The following PRKG1 variants were observed in gnomAD, a reference collection of about 807,000 sequenced individuals.
PRKG1 encodes the protein protein kinase cGMP-dependent 1, also known as cGMP-dependent protein kinase 1.
PRKG1 carries 35 observed loss-of-function variants against 88.1 expected under a neutral mutation model. The observed-to-expected ratio is 0.40, with a 90% confidence interval of 0.30 to 0.53. The LOEUF (loss-of-function observed/expected upper bound fraction) is 0.53. Among genes scored for constraint, PRKG1 ranks in the 20% least tolerant of loss-of-function variants. PRKG1 has a pLI of 0.59. For missense variants in PRKG1, 540 were observed against 839.8 expected (o/e 0.64, Z 4.41); for synonymous variants, 303 against 292.5 (o/e 1.04, Z -0.37).
chr10:51,310,254 A>G (rs116239291), intron 2 of PRKG1, among the ~76,000 whole-genome samples: 3,008 of 152,296 alleles, frequency 0.02, 91 homozygotes, highest in African/African-American at 0.067. Flanking sequence ...CCCCCCAAAA[A>G]TTTCCTACAG....
chr10:51,779,089 A>G (rs1838517861), intron 3 of PRKG1, among the ~76,000 whole-genome samples: 1 of 152,128 alleles, frequency 6.6e-6, no homozygotes, highest in South Asian at 2.1e-4. Context: ...TTAACCAGAT[A>G]GTCCAGTATT....
chr10:51,965,845 GAA>G (rs1843555015), intron 5 of PRKG1, among the ~76,000 whole-genome samples: 1 of 152,178 alleles, frequency 6.6e-6, no homozygotes, highest in Non-Finnish European at 1.5e-5. Flanking sequence ...GATCTAGAGA[GAA>G]GAGTTAGTTG....
At chr10:52,045,590 G>T (rs1253146894) in intron 5 of PRKG1, among the ~76,000 whole-genome samples, 1 of 152,078 alleles carries the variant, frequency 6.6e-6, no homozygotes, top group Non-Finnish European at 1.5e-5. Flanking sequence ...ACTCATATTT[G>T]TGCCCAGCTG....
intron 5 of PRKG1, among the ~76,000 whole-genome samples, chr10:51,968,820 CAAAAAAAAA>C (rs56810665): frequency 1.9e-5 from 2 of 105,458 alleles, no homozygotes; most frequent in Admixed American, 1.0e-4. Context: ...AAAACTCCAT[CAAAAAAAAA>C]AAAAAAAAGA....
At chr10:51,113,225 A>C (rs1425415465) in intron 1 of PRKG1, among the ~76,000 whole-genome samples, 1 of 152,240 alleles carries the variant, frequency 6.6e-6, no homozygotes, top group Non-Finnish European at 1.5e-5. Context: ...AGAGAAGTTA[A>C]GTGACTAACT....
At chr10:51,821,055 T>C (rs1270454423) in intron 4 of PRKG1, among the ~76,000 whole-genome samples, 5 of 152,188 alleles carry the variant, frequency 3.3e-5, no homozygotes, top group African/African-American at 4.8e-5. Context: ...GTTCTACCAT[T>C]ACAGATTAGT....
chr10:51,150,280 A>T (rs899129178), intron 1 of PRKG1, among the ~76,000 whole-genome samples: 3 of 152,122 alleles, frequency 2.0e-5, no homozygotes, highest in African/African-American at 7.2e-5. Context: ...TATGCATTAT[A>T]TCTTAGTTAC....
intron 7 of PRKG1, among the ~76,000 whole-genome samples, chr10:52,093,545 A>ATTTTTT (rs1487894144): frequency 1.3e-5 from 2 of 152,128 alleles, no homozygotes; most frequent in East Asian, 3.9e-4. Flanking sequence ...AGGAAAAGGA[A>ATTTTTT]TTTTTCTTTT....
At chr10:51,910,676 C>A (rs1489577994) in intron 5 of PRKG1, 1 of 152,128 alleles carries the variant, frequency 6.6e-6, no homozygotes, top group Non-Finnish European at 1.5e-5. Flanking sequence ...CCTGGATTCA[C>A]TTTCCAGGTA....
At chr10:51,734,781 A>C (rs1014465574) in intron 3 of PRKG1, among the ~76,000 whole-genome samples, 1 of 152,196 alleles carries the variant, frequency 6.6e-6, no homozygotes, top group Non-Finnish European at 1.5e-5. Context: ...TCCACTGAAA[A>C]GTTCAATAGT....
At chr10:51,168,519 G>A (rs566735541) in intron 2 of PRKG1, among the ~76,000 whole-genome samples, 2 of 152,042 alleles carry the variant, frequency 1.3e-5, no homozygotes, top group Non-Finnish European at 2.9e-5. Context: ...ATCCATAGAA[G>A]TAACCCACGT....
intron 3 of PRKG1, among the ~76,000 whole-genome samples, chr10:51,655,489 C>T (rs1840139468): frequency 6.6e-6 from 1 of 151,980 alleles, no homozygotes; most frequent in Non-Finnish European, 1.5e-5. Context: ...TAATTCAGCA[C>T]ATTTAGAATC....
At chr10:51,920,325 T>A (rs1937684) in intron 5 of PRKG1, among the ~76,000 whole-genome samples, 98,522 of 152,034 alleles carry the variant, frequency 0.65, 32,042 homozygotes, top group African/African-American at 0.66. Flanking sequence ...TTTGTAGAAG[T>A]TGTTGATTTT....
At chr10:51,240,326 A>G (rs1006034547) in intron 2 of PRKG1, among the ~76,000 whole-genome samples, 4 of 152,164 alleles carry the variant, frequency 2.6e-5, no homozygotes, top group Admixed American at 2.6e-4. Context: ...TTTTTTATAG[A>G]CATACCTTTG....
chr10:51,513,146 G>A (rs1015857799), intron 3 of PRKG1, among the ~76,000 whole-genome samples: 5 of 151,268 alleles, frequency 3.3e-5, no homozygotes, highest in African/African-American at 1.2e-4. Context: ...AAAGGATGGA[G>A]GAAGATCTAC....
chr10:51,038,428 A>G (rs1843380482), intron 1 of PRKG1, among the ~76,000 whole-genome samples: 1 of 152,182 alleles, frequency 6.6e-6, no homozygotes, highest in South Asian at 2.1e-4. Flanking sequence ...TATTCATTGT[A>G]TCTAACTATA....
chr10:52,075,017 G>A (rs1329528504), intron 7 of PRKG1, among the ~76,000 whole-genome samples: 2 of 152,184 alleles, frequency 1.3e-5, no homozygotes, highest in Non-Finnish European at 2.9e-5. Flanking sequence ...TAGGAAAAGT[G>A]CAAGATTATT....
chr10:51,225,199 A>G (rs556945026), intron 2 of PRKG1, among the ~76,000 whole-genome samples: 12 of 152,304 alleles, frequency 7.9e-5, no homozygotes, highest in Admixed American at 2.6e-4. Flanking sequence ...CCCCTTTCAC[A>G]TACGTGTTGC....
chr10:52,271,288 G>GATA lies in PRKG1; in HGVS notation c.1174-56_1174-54dup. ...TGCGCCATGTACCTGTTAATTTGGGGATAATAATGCACTCTTACAAGTCTA... is the reference window on the plus strand; with the variant it reads ...TGCGCCATGTACCTGTTAATTTGGGGATAATAATAATGCACTCTTACAAGTCTA... On this transcript the variant is annotated intron_variant, in intron 10 of 17. Coordinates refer to ENST00000373980, the MANE Select transcript of PRKG1 (RefSeq NM_006258.4). The GATA allele has an allele frequency of 5.2e-6, 8 of 1,534,070 alleles. No individual in the cohort carries two copies. In the South Asian group the frequency reaches 9.3e-5, roughly 18 times the overall value.
Sources: gnomAD v4.1 joint callset for allele counts (sites outside exome capture counted in the v4.1 genomes callset) on GRCh38, gnomAD v4.1.1 for gene constraint, MANE v1.5 for transcripts, NCBI Gene and HGNC (gene_info 2026-07-23, HGNC 2026-07-21) for gene names.